The following EXOC4 variants were observed in gnomAD, a reference collection of about 807,000 sequenced individuals.
EXOC4 encodes SEC8-like 1.
In EXOC4, 71 loss-of-function variants were observed where a neutral mutation model predicts 107.2. The observed-to-expected ratio is 0.66, with a 90% confidence interval of 0.55 to 0.81. EXOC4 has a LOEUF of 0.81. EXOC4 is among the 30% of genes least tolerant of loss of function. The pLI, the probability that EXOC4 is intolerant of heterozygous loss-of-function variation, is 0.00. For synonymous variants in EXOC4, 456 were observed against 441.2 expected (o/e 1.03, Z -0.42); for missense variants, 1,108 against 1,189.6 (o/e 0.93, Z 1.01).
intron 10 of EXOC4, among the ~76,000 whole-genome samples, chr7:133,687,204 A>G (rs988842197): frequency 6.6e-6 from 1 of 152,080 alleles, no homozygotes; most frequent in African/African-American, 2.4e-5. Flanking sequence ...GAGCTAAGCT[A>G]TGAGGATGCA....
chr7:134,081,157 A>C, the EXOC4 span, among the ~76,000 whole-genome samples: 2 of 152,210 alleles, frequency 1.3e-5, no homozygotes, highest in Middle Eastern at 6.8e-3. Context: ...AGCCTGGCCA[A>C]CGTGGCACAA....
intron 7 of EXOC4, among the ~76,000 whole-genome samples, chr7:133,404,621 C>G (rs1797170679): frequency 6.6e-6 from 1 of 152,110 alleles, no homozygotes; most frequent in Non-Finnish European, 1.5e-5. Flanking sequence ...CTTATGTTGT[C>G]ATTGCCTTTT....
chr7:133,902,535 A>G (rs1303867746), intron 12 of EXOC4, among the ~76,000 whole-genome samples: 3 of 152,160 alleles, frequency 2.0e-5, no homozygotes, highest in African/African-American at 7.2e-5. Flanking sequence ...GAGATAGACA[A>G]TAAATGAATG....
chr7:134,051,635 G>T (rs151158616), intron 17 of EXOC4, among the ~76,000 whole-genome samples: 3,356 of 146,966 alleles, frequency 0.023, 46 homozygotes, highest in Non-Finnish European at 0.033. Flanking sequence ...TCGCGCCGCT[G>T]CACTCCAGCC....
chr7:134,091,699 A>G, the EXOC4 span, among the ~76,000 whole-genome samples: 1 of 152,186 alleles, frequency 6.6e-6, no homozygotes, highest in Non-Finnish European at 1.5e-5. Context: ...AAAAGGCAGG[A>G]AAATGTGGAA....
At chr7:133,581,051 T>A (rs1276260513) in intron 9 of EXOC4, among the ~76,000 whole-genome samples, 1 of 152,220 alleles carries the variant, frequency 6.6e-6, no homozygotes, top group African/African-American at 2.4e-5. Flanking sequence ...TTCCGTGTTG[T>A]ATAATATATT....
chr7:133,752,070 A>G (rs1162504555), intron 10 of EXOC4, among the ~76,000 whole-genome samples: 1 of 152,134 alleles, frequency 6.6e-6, no homozygotes, highest in African/African-American at 2.4e-5. Flanking sequence ...AAAAGGCAGG[A>G]GGATCTCAGG....
At chr7:134,016,753 C>T (rs192060743) in intron 17 of EXOC4, among the ~76,000 whole-genome samples, 292 of 152,306 alleles carry the variant, frequency 1.9e-3, no homozygotes, top group Non-Finnish European at 3.5e-3. Context: ...TTCCTACAAA[C>T]CTGTTGCACC....
intron 10 of EXOC4, among the ~76,000 whole-genome samples, chr7:133,701,817 CTGA>C (rs1794661641): frequency 6.6e-6 from 1 of 152,016 alleles, no homozygotes; most frequent in Non-Finnish European, 1.5e-5. Flanking sequence ...TACACATACC[CTGA>C]AGGTAACTTT....
intron 14 of EXOC4, among the ~76,000 whole-genome samples, chr7:133,961,514 C>G (rs1186863027): frequency 6.6e-6 from 1 of 152,056 alleles, no homozygotes; most frequent in Non-Finnish European, 1.5e-5. Flanking sequence ...TCTTGAACTC[C>G]TGACCTCAGG....
chr7:133,481,834 A>G (rs757889277), intron 9 of EXOC4, among the ~76,000 whole-genome samples: 67 of 152,292 alleles, frequency 4.4e-4, no homozygotes, highest in Admixed American at 1.6e-3. Flanking sequence ...AAAGGACAGA[A>G]AGGAGTGAAG....
At chr7:133,451,758 A>C (rs1309007062) in intron 7 of EXOC4, among the ~76,000 whole-genome samples, 1 of 152,110 alleles carries the variant, frequency 6.6e-6, no homozygotes, top group East Asian at 1.9e-4. Flanking sequence ...TGGATTCTCA[A>C]TTCTGATGTT....
chr7:133,864,851 G>T (rs1357238102), intron 11 of EXOC4, among the ~76,000 whole-genome samples: 1 of 152,164 alleles, frequency 6.6e-6, no homozygotes, highest in Non-Finnish European at 1.5e-5. Context: ...TGAAACTCCA[G>T]GCATGGACAC....
chr7:133,280,995 T>G (rs1163669245), intron 2 of EXOC4, among the ~76,000 whole-genome samples: 1 of 152,114 alleles, frequency 6.6e-6, no homozygotes, highest in African/African-American at 2.4e-5. Context: ...GCTGGAACCA[T>G]GAGGTGATCT....
intron 10 of EXOC4, among the ~76,000 whole-genome samples, chr7:133,735,536 A>G (rs1350970577): frequency 6.6e-6 from 1 of 152,114 alleles, no homozygotes; most frequent in African/African-American, 2.4e-5. Context: ...CTATTTTTGG[A>G]GATATGATAG....
At chr7:133,315,224 A>C (rs1292730834) in intron 4 of EXOC4, 1 of 152,530 alleles carries the variant, frequency 6.6e-6, no homozygotes, top group African/African-American at 2.4e-5. Flanking sequence ...GGTTCCCAAT[A>C]ATTTTCCCAG....
chr7:133,778,574 ACT>A (rs1432999079), intron 10 of EXOC4, among the ~76,000 whole-genome samples: 1 of 152,050 alleles, frequency 6.6e-6, no homozygotes, highest in Non-Finnish European at 1.5e-5. Context: ...AGAGAGTGAG[ACT>A]CTGTCTCAAA....
At chr7:133,543,386 A>G (rs1432394533) in intron 9 of EXOC4, among the ~76,000 whole-genome samples, 3 of 151,996 alleles carry the variant, frequency 2.0e-5, no homozygotes, top group Non-Finnish European at 2.9e-5. Flanking sequence ...TGAGTCTCAG[A>G]GGAGTATTTT....
At chr7:133,832,457 C>G (rs977633314) in intron 11 of EXOC4, among the ~76,000 whole-genome samples, 4 of 152,300 alleles carry the variant, frequency 2.6e-5, no homozygotes, top group Middle Eastern at 6.8e-3. Flanking sequence ...TTCACCTATT[C>G]AACATTTCTC....
Sources: allele counts gnomAD v4.1 joint callset (sites outside exome capture counted in the v4.1 genomes callset), GRCh38; gene constraint gnomAD v4.1.1; transcripts MANE v1.5; gene names NCBI Gene and HGNC (gene_info 2026-07-23, HGNC 2026-07-21).